The following ANKS1B variants were observed in gnomAD, a reference collection of about 807,000 sequenced individuals.
The protein encoded by ANKS1B is ankyrin repeat and sterile alpha motif domain-containing protein 1B.
ANKS1B carries 36 observed loss-of-function variants against 148.3 expected under a neutral mutation model. The observed-to-expected ratio is 0.24, with a 90% confidence interval of 0.19 to 0.32. The LOEUF is 0.32. ANKS1B is among the 10% of genes least tolerant of loss of function. The pLI, the probability that ANKS1B is intolerant of heterozygous loss-of-function variation, is 1.00. For missense variants in ANKS1B, 1,157 were observed against 1,542.6 expected, an observed-to-expected ratio of 0.75 and a Z score of 4.19; for synonymous variants, 542 against 560.8, an observed-to-expected ratio of 0.97 and a Z score of 0.47.
chr12:98,835,863 T>C (rs2099360052), intron 17 of ANKS1B, among the ~76,000 whole-genome samples: 1 of 152,246 alleles, frequency 6.6e-6, no homozygotes, highest in African/African-American at 2.4e-5. Flanking sequence ...AAGATACTGA[T>C]GGTAACTTCC....
At chr12:99,609,579 G>A (rs1157886364) in intron 9 of ANKS1B, among the ~76,000 whole-genome samples, 7 of 151,266 alleles carry the variant, frequency 4.6e-5, no homozygotes, top group Non-Finnish European at 7.4e-5. Flanking sequence ...GAGCTGGCAC[G>A]ATAAAACAGA....
intron 1 of ANKS1B, among the ~76,000 whole-genome samples, chr12:99,881,716 T>A (rs1055786792): frequency 7.2e-5 from 11 of 152,126 alleles, no homozygotes; most frequent in African/African-American, 2.7e-4. Flanking sequence ...CAAAAGAGCA[T>A]CACAGAGCGT....
intron 17 of ANKS1B, among the ~76,000 whole-genome samples, chr12:98,848,178 T>C (rs1356041206): frequency 6.6e-6 from 1 of 152,228 alleles, no homozygotes; most frequent in African/African-American, 2.4e-5. Flanking sequence ...TAGTATTTGT[T>C]AGAAAACAGT....
intron 17 of ANKS1B, among the ~76,000 whole-genome samples, chr12:98,844,073 C>T (rs189895102): frequency 4.6e-4 from 70 of 152,170 alleles, no homozygotes; most frequent in African/African-American, 1.6e-3. Context: ...TCCACACCAC[C>T]GAGGCACAGA....
At chr12:99,251,218 A>G (rs1460470609) in intron 12 of ANKS1B, among the ~76,000 whole-genome samples, 1 of 152,206 alleles carries the variant, frequency 6.6e-6, no homozygotes, top group Non-Finnish European at 1.5e-5. Context: ...AGAACAATAT[A>G]TGCTGCATAG....
intron 26 of ANKS1B, among the ~76,000 whole-genome samples, chr12:98,749,551 C>T (rs1403648883): frequency 3.3e-5 from 5 of 152,024 alleles, no homozygotes; most frequent in East Asian, 3.9e-4. Context: ...TTAGGACATC[C>T]GCCTCTTCAA....
intron 8 of ANKS1B, among the ~76,000 whole-genome samples, chr12:99,701,472 A>G (rs770309674): frequency 1.3e-5 from 2 of 152,122 alleles, no homozygotes; most frequent in Non-Finnish European, 2.9e-5. Context: ...ACAATGTGTA[A>G]TAATCACATC....
chr12:99,604,790 G>A (rs1248320413), intron 9 of ANKS1B, among the ~76,000 whole-genome samples: 7 of 148,940 alleles, frequency 4.7e-5, no homozygotes, highest in Admixed American at 4.0e-4. Context: ...ACTCCAGCCT[G>A]GGCGACAAGG....
intron 12 of ANKS1B, among the ~76,000 whole-genome samples, chr12:99,296,035 T>C: frequency 6.6e-6 from 1 of 152,174 alleles, no homozygotes; most frequent in African/African-American, 2.4e-5. Flanking sequence ...TATAGATGAG[T>C]GCTTTTATCC....
At chr12:98,750,340 G>C (rs941464511) in intron 26 of ANKS1B, among the ~76,000 whole-genome samples, 1 of 152,170 alleles carries the variant, frequency 6.6e-6, no homozygotes, top group East Asian at 1.9e-4. Flanking sequence ...AAAGTAAACT[G>C]TCAGGGAACT....
chr12:99,663,030 T>G lies in ANKS1B; in HGVS notation c.1129-7820A>C, dbSNP rs760184977. Among the ~76,000 whole-genome samples, 7 of 152,296 alleles carry G rather than the reference T, an allele frequency of 4.6e-5. No homozygotes were observed. In the East Asian group the frequency reaches 9.6e-4, roughly 21 times the overall value. ...ACAAGAGATCTTACATGAGAACTAT[T>G]ATTTTGTCAATTTAAAAGGCAACAA... On this transcript the variant is annotated intron_variant, in intron 8 of 26. Coordinates refer to ENST00000683438, the MANE Select transcript of ANKS1B (RefSeq NM_001352186.2).
At chr12:99,814,283 T>C (rs1485707206) in intron 2 of ANKS1B, among the ~76,000 whole-genome samples, 2 of 151,670 alleles carry the variant, frequency 1.3e-5, no homozygotes, top group Non-Finnish European at 3.0e-5. Context: ...CTTCAGGAGA[T>C]ACTATAATGA....
intron 8 of ANKS1B, among the ~76,000 whole-genome samples, chr12:99,755,594 C>CAAAAAAAAAAAAAAAAAACAA (rs2061493019): frequency 8.1e-6 from 1 of 123,258 alleles, no homozygotes; most frequent in Non-Finnish European, 1.7e-5. Flanking sequence ...CAAAAATCCT[C>CAAAAAAAAAAAAAAAAAACAA]AAAAAAAAAA....
chr12:99,507,069 C>A (rs1007752105), intron 9 of ANKS1B, among the ~76,000 whole-genome samples: 1 of 151,860 alleles, frequency 6.6e-6, no homozygotes, highest in African/African-American at 2.4e-5. Context: ...GTCCTTTAAA[C>A]AAAGCTAACT....
intron 1 of ANKS1B, among the ~76,000 whole-genome samples, chr12:99,898,580 C>A (rs2093471473): frequency 6.6e-6 from 1 of 152,170 alleles, no homozygotes; most frequent in Non-Finnish European, 1.5e-5. Context: ...CAGCCCTAGG[C>A]ATCCTCCTCT....
At chr12:99,046,924 TAAG>T (rs1274080806) in intron 17 of ANKS1B, among the ~76,000 whole-genome samples, 1 of 151,890 alleles carries the variant, frequency 6.6e-6, no homozygotes, top group African/African-American at 2.4e-5. Context: ...TTAGCTATTC[TAAG>T]AAGAAAAGAT....
At chr12:98,976,223 T>G (rs570547848) in intron 17 of ANKS1B, among the ~76,000 whole-genome samples, 2 of 152,202 alleles carry the variant, frequency 1.3e-5, no homozygotes, top group South Asian at 4.2e-4. Context: ...AGCTGCAGCC[T>G]GGGGGATGGG....
intron 1 of ANKS1B, among the ~76,000 whole-genome samples, chr12:99,911,656 T>G (rs952493004): frequency 6.6e-6 from 1 of 152,168 alleles, no homozygotes; most frequent in African/African-American, 2.4e-5. Context: ...CTATAAAAAC[T>G]TTTAAACATA....
chr12:99,033,864 A>G (rs1464061745), intron 17 of ANKS1B, among the ~76,000 whole-genome samples: 1 of 152,146 alleles, frequency 6.6e-6, no homozygotes, highest in Non-Finnish European at 1.5e-5. Flanking sequence ...AGAAACCAAT[A>G]TATGCTTGTA....
Sources: gnomAD v4.1 joint callset for allele counts (sites outside exome capture counted in the v4.1 genomes callset) on GRCh38, gnomAD v4.1.1 for gene constraint, MANE v1.5 for transcripts, NCBI Gene and HGNC (gene_info 2026-07-23, HGNC 2026-07-21) for gene names.